The following P4HA2 variants were observed in gnomAD, a reference collection of about 807,000 sequenced individuals.
The protein encoded by P4HA2 is prolyl 4-hydroxylase subunit alpha-2.
P4HA2 carries 46 observed loss-of-function variants against 76.9 expected under a neutral mutation model. That is an observed-to-expected ratio of 0.60 (90% CI 0.47 to 0.76). P4HA2 has a LOEUF of 0.76. P4HA2 is among the 30% of genes least tolerant of loss of function. The pLI, the probability that P4HA2 is intolerant of heterozygous loss-of-function variation, is 0.00. For synonymous variants in P4HA2, 243 were observed against 254.0 expected, an observed-to-expected ratio of 0.96 and a Z score of 0.41; for missense variants, 583 against 669.4, an observed-to-expected ratio of 0.87 and a Z score of 1.42.
intron 6 of P4HA2, 79 bp downstream of exon 6, chr5:132,210,205 G>T: frequency 6.6e-7 from 1 of 1,507,906 alleles, no homozygotes. Flanking sequence ...CCCAGGAGAG[G>T]GGTCAGGCAG....
chr5:132,221,127 C>T (rs1754600495), intron 1 of P4HA2, among the ~76,000 whole-genome samples: 2 of 152,194 alleles, frequency 1.3e-5, no homozygotes, highest in Admixed American at 6.5e-5. Context: ...ACCTCCAACC[C>T]ATCTCATAAC....
intron 4 of P4HA2, 53 bp downstream of exon 4, chr5:132,217,144 C>A: frequency 6.4e-7 from 1 of 1,556,676 alleles, no homozygotes; most frequent in South Asian, 1.2e-5. Flanking sequence ...ACAACCCAGG[C>A]ATGAGCACAC....
chr5:132,194,917 G>A lies in P4HA2; in HGVS notation c.1531+9C>T. The A allele has an allele frequency of 6.3e-7, 1 of 1,594,024 alleles. No individual in the cohort carries two copies. Among genetic ancestry groups the A allele is most frequent in the Non-Finnish European group, 8.6e-7 (1 of 1,161,596 alleles). The stretch of plus-strand genomic sequence containing the variant: ...CACCAACACCAACACTACCCCTTAA[G>A]ACACTCACCCCACTTGCAGCCCACA... On this transcript the variant is annotated intron_variant, in intron 14 of 14. Coordinates refer to ENST00000360568, the MANE Select transcript of P4HA2 (RefSeq NM_001017974.2).
At chr5:132,210,647 AT>A in intron 5 of P4HA2, 124 bp from the exon 6 acceptor site, 1 of 913,746 alleles carries the variant, frequency 1.1e-6, no homozygotes, top group Non-Finnish European at 1.8e-6. Flanking sequence ...TCCATCGGAC[AT>A]TTAGACTGCA....
chr5:132,217,692 G>T (rs1348552091), intron 3 of P4HA2, 60 bp downstream of exon 3: 1 of 1,062,802 alleles, frequency 9.4e-7, no homozygotes, highest in Non-Finnish European at 1.5e-6. Flanking sequence ...TGGCTTCCTT[G>T]TTCCTTGAGG....
At chr5:132,193,125 A>G (rs1750092800) in intron 14 of P4HA2, 45 bp from the exon 15 acceptor site, 1 of 1,378,476 alleles carries the variant, frequency 7.3e-7, no homozygotes, top group Non-Finnish European at 1.0e-6. Context: ...TGGTCAGTTT[A>G]GTAGCCTGAA....
rs1752680562 is a variant in P4HA2, at chr5:132,209,200, C to T, written c.841G>A (p.Val281Met). Reference protein sequence around the residue: ...ATPEGIYERPVDYLPERDVYE... With the variant: ...ATPEGIYERPMDYLPERDVYE... Reference sequence around the variant, plus strand: ...ACATCCCTCTCAGGCAGGTAGTCCACAGGCCTCTCATAGATGCCTTCTGGG... The same window carrying T: ...ACATCCCTCTCAGGCAGGTAGTCCATAGGCCTCTCATAGATGCCTTCTGGG... Residue 281 changes from valine (V) to methionine (M), a missense_variant, in exon 7 of 15, where the codon GTG becomes ATG. Val to Met is a conservative substitution (Grantham distance 21, BLOSUM62 1). Coordinates refer to ENST00000360568, the MANE Select transcript of P4HA2 (RefSeq NM_001017974.2). 1.2e-6 allele frequency: 2 copies of T among 1,614,072 alleles called. No individual in the cohort carries two copies. Among genetic ancestry groups the T allele is most frequent in the Non-Finnish European group, 1.7e-6 (2 of 1,179,922 alleles).
chr5:132,212,421 A>G (rs895149595), intron 5 of P4HA2, among the ~76,000 whole-genome samples: 4 of 152,290 alleles, frequency 2.6e-5, no homozygotes, highest in African/African-American at 9.6e-5. Flanking sequence ...AGCACGGAAG[A>G]CATGAGAGAA....
intron 12 of P4HA2, 106 bp from the exon 13 acceptor site, chr5:132,195,586 AG>A (rs1750515710): frequency 1.2e-6 from 1 of 807,928 alleles, no homozygotes; most frequent in African/African-American, 1.7e-5. Context: ...TCTCAGCATG[AG>A]TGACACTACT....
Position 132,191,170 on chromosome 5 carries a change from G to A in P4HA2, c.*1840C>T, listed in dbSNP as rs546293830. On this transcript the variant is annotated 3_prime_UTR_variant, in exon 15 of 15. Transcript: ENST00000360568. ...CCACTCACGTGGGCTCCATGCTTAC[G>A]ACCTCCCAAGGGCTCCGCATCCTAA... is the stretch of plus-strand genomic sequence containing the variant. Among the ~76,000 whole-genome samples, 2 of 152,280 alleles carry A rather than the reference G, an allele frequency of 1.3e-5. No individual in the cohort carries two copies. Among genetic ancestry groups the A allele is most frequent in the South Asian group, 4.1e-4 (2 of 4,820 alleles).
intron 12 of P4HA2, among the ~76,000 whole-genome samples, chr5:132,196,975 A>G (rs1750725481): frequency 6.6e-6 from 1 of 152,154 alleles, no homozygotes; most frequent in South Asian, 2.1e-4. Flanking sequence ...CAGCATGTAC[A>G]CAGCACAATC....
chr5:132,207,893 C>T lies in P4HA2; in HGVS notation c.904-9G>A, dbSNP rs1752421649. On this transcript the variant is annotated splice_polypyrimidine_tract_variant and intron_variant, in intron 7 of 14. Transcript: ENST00000360568. ...TTCTGTCTACGGGGTGTCTGGAAAG[C>T]ACAGAGTAACAGGCCCTGAGCTGAG... 6.4e-7 allele frequency: 1 copy of T among 1,557,978 alleles called. No individual in the cohort carries two copies. The highest frequency in any genetic ancestry group is 1.9e-5 in the Admixed American group (1 of 53,278).
chr5:132,195,204 A>G (rs564173085), intron 13 of P4HA2, 182 bp from the exon 14 acceptor site: 7 of 635,822 alleles, frequency 1.1e-5, no homozygotes, highest in Admixed American at 2.6e-5. Flanking sequence ...TTTCTGAGGT[A>G]GAAGTCTGGG....
Position 132,195,027 on chromosome 5 carries a change from G to C in P4HA2, c.1435-5C>G. On this transcript the variant is annotated splice_region_variant and splice_polypyrimidine_tract_variant and intron_variant, in intron 13 of 14. Coordinates refer to ENST00000360568, the MANE Select transcript of P4HA2 (RefSeq NM_001017974.2). ...GTACCAGAACACAGCTGTACCCTGG[G>C]AAAGAGATGGCCTTTCAGAACACAT... The C allele has an allele frequency of 2.5e-6, 4 of 1,587,112 alleles. No homozygotes were observed. The South Asian group carries it at 3.3e-5, about 13-fold the overall frequency.
intron 4 of P4HA2, among the ~76,000 whole-genome samples, chr5:132,215,839 C>A (rs1246123350): frequency 1.6e-5 from 2 of 123,346 alleles, no homozygotes; most frequent in Non-Finnish European, 3.2e-5. Flanking sequence ...TATAGTGAGA[C>A]CCTGTCCCTT....
rs781189007 is a variant in P4HA2 at position 132,192,973 on chromosome 5, G to A, written c.*37C>T. 2 of 1,358,858 alleles carry A rather than the reference G, an allele frequency of 1.5e-6. No individual in the cohort carries two copies. Among genetic ancestry groups the A allele is most frequent in the South Asian group, 1.2e-5 (1 of 85,878 alleles). 84.2% of individuals were successfully genotyped at this position (1,358,858 alleles called of 1,614,324 possible). A position where few individuals can be genotyped will look rare whatever the true frequency, so the allele number is the denominator to read the frequency against. On this transcript the variant is annotated 3_prime_UTR_variant, in exon 15 of 15. Transcript: ENST00000360568. Reference sequence around the variant, plus strand: ...AAAGGTGTCTGTCACGTTGACATGGGCTGAAGGACCAGGAAGGGGAAGGAC... The same window carrying A: ...AAAGGTGTCTGTCACGTTGACATGGACTGAAGGACCAGGAAGGGGAAGGAC...
At chr5:132,223,434 T>G (rs1320165065) in intron 1 of P4HA2, among the ~76,000 whole-genome samples, 1 of 152,188 alleles carries the variant, frequency 6.6e-6, no homozygotes, top group Non-Finnish European at 1.5e-5. Flanking sequence ...AGCTAATTTT[T>G]GTATTTTTAG....
rs1749822999 is a variant in P4HA2 at position 132,190,640 on chromosome 5, A to G, written c.*2370T>C. 6.6e-6 allele frequency among the ~76,000 whole-genome samples: 1 copy of G among 152,218 alleles called. No individual in the cohort carries two copies. Among genetic ancestry groups the G allele is most frequent in the Non-Finnish European group, 1.5e-5 (1 of 68,034 alleles). On this transcript the variant is annotated 3_prime_UTR_variant, in exon 15 of 15. Coordinates refer to ENST00000360568, the MANE Select transcript of P4HA2 (RefSeq NM_001017974.2). Reference sequence around the variant, plus strand: ...GCTTTCAGAAGAGAACACAGGAAACATCCTCATGATCTTGGGGTATAGAAG... The same window carrying G: ...GCTTTCAGAAGAGAACACAGGAAACGTCCTCATGATCTTGGGGTATAGAAG...
At chr5:132,207,623 G>T in intron 8 of P4HA2, 85 bp downstream of exon 8, 2 of 1,227,278 alleles carry the variant, frequency 1.6e-6, no homozygotes, top group Non-Finnish European at 2.3e-6. Context: ...GGCTAGATGG[G>T]CAAACCAACC....
Sources: allele counts gnomAD v4.1 joint callset (sites outside exome capture counted in the v4.1 genomes callset), GRCh38; gene constraint gnomAD v4.1.1; transcripts MANE v1.5; gene names NCBI Gene and HGNC (gene_info 2026-07-23, HGNC 2026-07-21).